MYO19: variants seen among roughly 807,000 people sequenced by gnomAD.
The protein encoded by MYO19 is myosin XIX, also known as unconventional myosin-XIX.
A neutral mutation model predicts 129.2 loss-of-function variants in MYO19; 132 were observed. The ratio of observed to expected loss-of-function variants is 1.02; its 90% CI spans 0.89 to 1.18. The LOEUF is 1.18. Among genes scored for constraint, MYO19 ranks in the 50% most tolerant of loss-of-function variants. MYO19 has a pLI of 0.00. For synonymous variants in MYO19, 531 were observed against 477.2 expected (o/e 1.11, Z -1.47); for missense variants, 1,210 against 1,216.7 (o/e 0.99, Z 0.08).
rs1175190299 is a variant in MYO19, at chr17:36,515,097, C to G, written c.617+16G>C. 18 of 1,596,818 alleles carry G rather than the reference C, an allele frequency of 1.1e-5. No homozygotes were observed. The South Asian group carries it at 1.8e-4, about 16-fold the overall frequency. On this transcript the variant is annotated intron_variant, in intron 8 of 25. Coordinates refer to ENST00000614623, the MANE Select transcript of MYO19 (RefSeq NM_001163735.2). ...AGTCCCATCCTCCCACTAGCCAGGGCAACAGCAGCTATTACCTGTTCAGCT... is the reference window on the plus strand; with the variant it reads ...AGTCCCATCCTCCCACTAGCCAGGGGAACAGCAGCTATTACCTGTTCAGCT...
rs1232613847 is a variant in MYO19 at position 36,525,434 on chromosome 17, T to C, written c.301-93A>G. 7 of 940,828 alleles carry C rather than the reference T, an allele frequency of 7.4e-6. No individual in the cohort carries two copies. The East Asian group carries it at 1.5e-4, about 20-fold the overall frequency. The allele number at this position is 940,828 out of a possible 1,614,324, so 58.3% of individuals were successfully genotyped here. On this transcript the variant is annotated intron_variant, in intron 5 of 25. Coordinates refer to ENST00000614623, the MANE Select transcript of MYO19 (RefSeq NM_001163735.2). ...ATGACTGAGATGGGGAGGCTGCCAA[T>C]AGCAGTGGTGGGATGCTTCCTCCAG...
At position 36,495,672 on chromosome 17, in the gene MYO19, G is replaced by A; in HGVS notation, c.*579C>T. 1 of 1,278,416 alleles carries A rather than the reference G, an allele frequency of 7.8e-7. No homozygotes were observed. 79.2% of individuals were successfully genotyped at this position (1,278,416 alleles called of 1,614,324 possible). On this transcript the variant is annotated 3_prime_UTR_variant, in exon 26 of 26. Transcript: ENST00000614623. ...TGTTTTACTTTTGGTACAGTTGATAGACATCATAAACGATATCAAGCTTAC... is the reference window on the plus strand; with the variant it reads ...TGTTTTACTTTTGGTACAGTTGATAAACATCATAAACGATATCAAGCTTAC...
At chr17:36,509,161 G>T in intron 13 of MYO19, 26 bp from the exon 14 acceptor site, 1 of 1,609,472 alleles carries the variant, frequency 6.2e-7, no homozygotes, top group Non-Finnish European at 8.5e-7. Flanking sequence ...AGTGGACTCT[G>T]GTAAGAGGGT....
intron 6 of MYO19, among the ~76,000 whole-genome samples, chr17:36,516,761 T>C (rs1396692083): frequency 1.3e-5 from 2 of 152,256 alleles, no homozygotes; most frequent in African/African-American, 2.4e-5. Flanking sequence ...GGCTAGGACA[T>C]AGAAATACAC....
intron 5 of MYO19, among the ~76,000 whole-genome samples, chr17:36,526,638 G>A (rs1329194580): frequency 1.3e-5 from 2 of 152,128 alleles, no homozygotes; most frequent in African/African-American, 4.8e-5. Context: ...TATAATCTCA[G>A]CACTTTGGGA....
At chr17:36,507,179 G>A in intron 16 of MYO19, 40 bp from the exon 17 acceptor site, 2 of 1,578,774 alleles carry the variant, frequency 1.3e-6, no homozygotes, top group Non-Finnish European at 1.7e-6. Context: ...CAACATGAGA[G>A]TGTCTCACCA....
At position 36,506,951 on chromosome 17, in the gene MYO19, C is replaced by T. The variant is rs755402457; in HGVS notation, c.1644+12G>A. 1.9e-6 allele frequency: 3 copies of T among 1,577,220 alleles called. No individual in the cohort carries two copies. The highest frequency in any genetic ancestry group is 2.3e-5 in the East Asian group (1 of 43,638). On this transcript the variant is annotated intron_variant, in intron 17 of 25. Transcript: ENST00000614623. ...TTCTCGCAGGCCCCACAGGGCATGG[C>T]CCAGCCCGTACCTTGTTCTTCTCCA...
At chr17:36,538,667 T>G (rs2074177458), upstream of MYO19, 1 of 1,399,828 alleles carries the variant, frequency 7.1e-7, no homozygotes, top group African/African-American at 1.4e-5. Context: ...ATGAGGAATA[T>G]TAATTGTAAA....
At chr17:36,513,293 T>C in intron 11 of MYO19, 136 bp downstream of exon 11, 1 of 1,539,936 alleles carries the variant, frequency 6.5e-7, no homozygotes, top group South Asian at 1.3e-5. Context: ...GGTGACTGAT[T>C]CCTTGGAGGT....
rs112868575 is a variant in MYO19 at position 36,505,948 on chromosome 17, A to G, written c.1797+508T>C. Among the ~76,000 whole-genome samples, 265 of 152,296 alleles carry G rather than the reference A, an allele frequency of 1.7e-3. 1 individual carries two copies. The highest frequency in any genetic ancestry group is 2.7e-3 in the Non-Finnish European group (186 of 68,028). On this transcript the variant is annotated intron_variant, in intron 18 of 25. Coordinates refer to ENST00000614623, the MANE Select transcript of MYO19 (RefSeq NM_001163735.2). ...TGCCTCCTCGAGGTGGTGGTGATAA[A>G]GCTAAAGTCTGAAGGATGAGAAGGA...
At position 36,503,973 on chromosome 17, in the gene MYO19, G is replaced by A. The variant is rs2071708406; in HGVS notation, c.1953C>T (p.Ile651=). 1 of 1,592,498 alleles carries A rather than the reference G, an allele frequency of 6.3e-7. No individual in the cohort carries two copies. The highest frequency in any genetic ancestry group is 8.5e-7 in the Non-Finnish European group (1 of 1,170,838). Residue 651 remains isoleucine (I), a synonymous_variant, in exon 20 of 26, where the codon ATC becomes ATT. Coordinates refer to ENST00000614623, the MANE Select transcript of MYO19 (RefSeq NM_001163735.2). ...EACGLVETIH[I]SAAGFPIRVS... ...ACCGGATGGGGAAGCCAGCAGCACTGATATGGATGGTCTCCACGAGGCCAC... is the reference window on the plus strand; with the variant it reads ...ACCGGATGGGGAAGCCAGCAGCACTAATATGGATGGTCTCCACGAGGCCAC...
rs1232036721 is a variant in MYO19 at position 36,525,304 on chromosome 17, G to A, written c.338C>T (p.Thr113Ile). The A allele has an allele frequency of 1.2e-6, 2 of 1,613,780 alleles. No homozygotes were observed. Among genetic ancestry groups the A allele is most frequent in the African/African-American group, 2.7e-5 (2 of 74,918 alleles). The change falls in exon 6 of 26, where the codon ACC becomes ATC. Residue 113 changes from threonine (T) to isoleucine (I), a missense_variant. Coordinates refer to ENST00000614623, the MANE Select transcript of MYO19 (RefSeq NM_001163735.2). The stretch of plus-strand genomic sequence containing the variant: ...AATCAGGCTCTTGACATTCCTGTAG[G>A]TCTGTTCACCCACAGTGAACACATG... The part of the protein sequence containing the change: ...KPHVFTVGEQ[T>I]YRNVKSLIEP...
At chr17:36,509,652 G>A in intron 13 of MYO19, 1 of 172,070 alleles carries the variant, frequency 5.8e-6, no homozygotes, top group Non-Finnish European at 1.3e-5. Context: ...CCAGCCCAGA[G>A]AAGATGAGAC....
At chr17:36,507,179 GT>G in intron 16 of MYO19, 40 bp from the exon 17 acceptor site, 1 of 1,578,774 alleles carries the variant, frequency 6.3e-7, no homozygotes, top group Non-Finnish European at 8.6e-7. Context: ...CAACATGAGA[GT>G]GTCTCACCAC....
chr17:36,524,560 T>C (rs1023290933), intron 6 of MYO19, among the ~76,000 whole-genome samples: 4 of 152,240 alleles, frequency 2.6e-5, no homozygotes, highest in African/African-American at 9.6e-5. Context: ...GTCTCACCTG[T>C]TGTGGTTTTG....
At position 36,510,842 on chromosome 17, in the gene MYO19, A is replaced by T; in HGVS notation, c.1061T>A (p.Ile354Asn). ...VLLEMVQIRT[I>N]RAGRQQQVFR... ...CACCTGCTGCTGTCTGCCTGCCCTGATGGTTCTAATCTGCACCATCTCCAG... is the reference window on the plus strand; with the variant it reads ...CACCTGCTGCTGTCTGCCTGCCCTGTTGGTTCTAATCTGCACCATCTCCAG... Residue 354 changes from isoleucine to asparagine, a missense_variant, in exon 13 of 26, where the codon ATC becomes AAC. By Grantham distance (149) the Ile-to-Asn change is moderately radical. Coordinates refer to ENST00000614623, the MANE Select transcript of MYO19 (RefSeq NM_001163735.2). The T allele has an allele frequency of 6.3e-7, 1 of 1,581,412 alleles. No individual in the cohort carries two copies. The highest frequency in any genetic ancestry group is 8.6e-7 in the Non-Finnish European group (1 of 1,163,664).
At chr17:36,498,178 C>G in intron 25 of MYO19, 88 bp downstream of exon 25, 1 of 1,452,892 alleles carries the variant, frequency 6.9e-7, no homozygotes, top group Non-Finnish European at 9.3e-7. Flanking sequence ...CTTGTCCCAG[C>G]CTCAGTCTCA....
At chr17:36,530,793 G>A (rs973109666) in intron 3 of MYO19, among the ~76,000 whole-genome samples, 2 of 152,044 alleles carry the variant, frequency 1.3e-5, no homozygotes, top group Non-Finnish European at 2.9e-5. Flanking sequence ...GCTAGTTTTT[G>A]TATTTTTAGT....
At position 36,500,898 on chromosome 17, in the gene MYO19, C is replaced by G. The variant is rs542838223; in HGVS notation, c.2309G>C (p.Gly770Ala). 5.7e-5 allele frequency: 91 copies of G among 1,608,960 alleles called. 1 individual carries two copies. The South Asian group carries it at 9.2e-4, about 16-fold the overall frequency. ...TCGGTGCCGGTGTCGCCTCCAGCCA[C>G]CCTGGATGCAGCGGGCACACTGCTC... ...VLEQCARCIQGGWRRHRHREQ... is the reference protein window; with the variant it reads ...VLEQCARCIQAGWRRHRHREQ... The change falls in exon 23 of 26, where the codon GGT (glycine) becomes GCT (alanine). Residue 770 changes from glycine (G) to alanine (A), a missense_variant. Physicochemically the swap from Gly to Ala is moderately conservative, Grantham distance 60. Transcript: ENST00000614623.
Sources: gnomAD v4.1 joint callset for allele counts (sites outside exome capture counted in the v4.1 genomes callset) on GRCh38, gnomAD v4.1.1 for gene constraint, MANE v1.5 for transcripts, NCBI Gene and HGNC (gene_info 2026-07-23, HGNC 2026-07-21) for gene names.